SLC31A1: variants seen among roughly 807,000 people sequenced by gnomAD.
SLC31A1 encodes solute carrier family 31 member 1, also known as high affinity copper uptake protein 1.
In SLC31A1, 5 loss-of-function variants were observed where a neutral mutation model predicts 17.2. The observed-to-expected ratio is 0.29, with a 90% CI of 0.15 to 0.61. The LOEUF is 0.61. Ranked by LOEUF, SLC31A1 falls within the 20% of genes least tolerant of loss-of-function variation. SLC31A1 has a pLI of 0.86. For missense variants in SLC31A1, 161 were observed against 241.4 expected, an observed-to-expected ratio of 0.67 and a Z score of 2.21; for synonymous variants, 76 against 78.8, an observed-to-expected ratio of 0.96 and a Z score of 0.19.
intron 1 of SLC31A1, 115 bp downstream of exon 1, chr9:113,221,793 T>C (rs1372340945): frequency 1.6e-5 from 3 of 186,080 alleles, no homozygotes; most frequent in South Asian, 8.2e-5. Flanking sequence ...GAGAAAGAGC[T>C]CGGGACTGGA....
intron 1 of SLC31A1, among the ~76,000 whole-genome samples, chr9:113,232,279 C>T (rs565079687): frequency 3.9e-5 from 6 of 152,214 alleles, no homozygotes; most frequent in Admixed American, 1.3e-4. Context: ...TTCAAGATGG[C>T]GTTTTGAACT....
chr9:113,242,936 TCA>T (rs1831537208), intron 1 of SLC31A1, among the ~76,000 whole-genome samples: 1 of 152,212 alleles, frequency 6.6e-6, no homozygotes, highest in Non-Finnish European at 1.5e-5. Flanking sequence ...CTCATATTTT[TCA>T]CAAAACACAT....
At chr9:113,251,572 A>G (rs1015718801) in intron 1 of SLC31A1, among the ~76,000 whole-genome samples, 4 of 152,342 alleles carry the variant, frequency 2.6e-5, no homozygotes, top group African/African-American at 9.6e-5. Context: ...AAAAGAACCA[A>G]TGCTAGTTTA....
Position 113,256,272 on chromosome 9 carries a change from A to T in SLC31A1, c.124A>T (p.Met42Leu), listed in dbSNP as rs1831727642. Residue 42 changes from methionine to leucine, a missense_variant, in exon 2 of 5, where the codon ATG becomes TTG. Met to Leu is a conservative substitution (Grantham distance 15). Transcript: ENST00000374212. ...SHGGGDSSMMMMPMTFYFGFK... is the reference protein window; with the variant it reads ...SHGGGDSSMMLMPMTFYFGFK... The stretch of plus-strand genomic sequence containing the variant: ...TGGTGGAGGAGACAGCAGCATGATG[A>T]TGATGGTGAGTGCCATAGGAGGGGC... 6.2e-7 allele frequency: 1 copy of T among 1,613,900 alleles called. No individual in the cohort carries two copies. Among genetic ancestry groups the T allele is most frequent in the Non-Finnish European group, 8.5e-7 (1 of 1,179,970 alleles).
At chr9:113,241,255 A>G (rs1006149267) in intron 1 of SLC31A1, among the ~76,000 whole-genome samples, 1 of 152,172 alleles carries the variant, frequency 6.6e-6, no homozygotes, top group Admixed American at 6.5e-5. Flanking sequence ...GCAGGCAGAA[A>G]TTAGTTTTTC....
At position 113,260,644 on chromosome 9, in the gene SLC31A1, C is replaced by G. The variant is rs1831782911; in HGVS notation, c.*171C>G. 2 of 681,708 alleles carry G rather than the reference C, an allele frequency of 2.9e-6. No individual in the cohort carries two copies. Among genetic ancestry groups the G allele is most frequent in the East Asian group, 2.8e-5 (1 of 36,140 alleles). The allele number at this position is 681,708 out of a possible 1,614,324, so 42.2% of individuals were successfully genotyped here. A position where few individuals can be genotyped will look rare whatever the true frequency, so the allele number is the denominator to read the frequency against. ...TCAACAGAGGTTTAGTTTACAGTCTCTGAACTAAAGTAGTAACCTCCCAAA... is the reference window on the plus strand; with the variant it reads ...TCAACAGAGGTTTAGTTTACAGTCTGTGAACTAAAGTAGTAACCTCCCAAA... On this transcript the variant is annotated 3_prime_UTR_variant, in exon 5 of 5. Coordinates refer to ENST00000374212, the MANE Select transcript of SLC31A1 (RefSeq NM_001859.4).
chr9:113,241,326 A>G (rs1226016367), intron 1 of SLC31A1, among the ~76,000 whole-genome samples: 3 of 152,204 alleles, frequency 2.0e-5, no homozygotes, highest in Admixed American at 1.3e-4. Flanking sequence ...TATCTGCAGT[A>G]CAAATACTGG....
At chr9:113,223,317 TG>T in intron 1 of SLC31A1, 1 of 378,284 alleles carries the variant, frequency 2.6e-6, no homozygotes, top group South Asian at 1.9e-5. Flanking sequence ...ACTGCAGGAC[TG>T]GGTGCACCTA....
At chr9:113,226,855 T>A (rs537358151) in intron 1 of SLC31A1, among the ~76,000 whole-genome samples, 1 of 152,344 alleles carries the variant, frequency 6.6e-6, no homozygotes, top group South Asian at 2.1e-4. Context: ...GCATCTAGAA[T>A]GTAGTCATTT....
intron 1 of SLC31A1, among the ~76,000 whole-genome samples, chr9:113,248,704 C>T (rs910644474): frequency 3.6e-4 from 55 of 151,944 alleles, no homozygotes; most frequent in African/African-American, 1.3e-3. Context: ...GTCTCAAACT[C>T]CTGACCTCAA....
intron 1 of SLC31A1, among the ~76,000 whole-genome samples, chr9:113,232,651 G>A (rs1166752833): frequency 6.7e-6 from 1 of 149,274 alleles, no homozygotes; most frequent in Non-Finnish European, 1.5e-5. Flanking sequence ...GGCCAACATG[G>A]TGAAACCCCA....
At chr9:113,222,325 C>T (rs1368906167) in intron 1 of SLC31A1, among the ~76,000 whole-genome samples, 3 of 152,184 alleles carry the variant, frequency 2.0e-5, no homozygotes, top group Non-Finnish European at 4.4e-5. Flanking sequence ...CCCACCCCAA[C>T]TTTGGCGTGG....
chr9:113,244,254 G>T (rs1258601257), intron 1 of SLC31A1, among the ~76,000 whole-genome samples: 3 of 147,148 alleles, frequency 2.0e-5, no homozygotes, highest in African/African-American at 7.6e-5. Flanking sequence ...TTTCTTGTTT[G>T]CCTAGATCAT....
rs1831781864 is a variant in SLC31A1 at position 113,260,582 on chromosome 9, C to T, written c.*109C>T. 3.7e-6 allele frequency: 1 copy of T among 269,744 alleles called. No individual in the cohort carries two copies. Among genetic ancestry groups the T allele is most frequent in the Non-Finnish European group, 7.9e-6 (1 of 126,778 alleles). The allele number at this position is 269,744 out of a possible 1,614,324, so 16.7% of individuals were successfully genotyped here. On this transcript the variant is annotated 3_prime_UTR_variant, in exon 5 of 5. Coordinates refer to ENST00000374212, the MANE Select transcript of SLC31A1 (RefSeq NM_001859.4). Reference sequence around the variant, plus strand: ...CTTCTTGCTCCTCTTTGTGCACGTACACACACACACACACACACACACACA... The same window carrying T: ...CTTCTTGCTCCTCTTTGTGCACGTATACACACACACACACACACACACACA...
At chr9:113,239,068 G>A (rs923621646) in intron 1 of SLC31A1, among the ~76,000 whole-genome samples, 6 of 152,132 alleles carry the variant, frequency 3.9e-5, no homozygotes, top group Non-Finnish European at 5.9e-5. Context: ...ATCTCTATGC[G>A]TAGGACCTGT....
At chr9:113,250,739 G>C (rs536679454) in intron 1 of SLC31A1, among the ~76,000 whole-genome samples, 2 of 150,830 alleles carry the variant, frequency 1.3e-5, no homozygotes, top group African/African-American at 2.4e-5. Context: ...TTGTATTTCA[G>C]TTCTGTCCCT....
In SLC31A1 at chr9:113,260,584, C is replaced by G; in HGVS notation, c.*111C>G. On this transcript the variant is annotated 3_prime_UTR_variant, in exon 5 of 5. Transcript: ENST00000374212. ...TCTTGCTCCTCTTTGTGCACGTACACACACACACACACACACACACACACA... is the reference window on the plus strand; with the variant it reads ...TCTTGCTCCTCTTTGTGCACGTACAGACACACACACACACACACACACACA... The G allele has an allele frequency of 2.1e-6, 1 of 467,284 alleles. No homozygotes were observed. Among genetic ancestry groups the G allele is most frequent in the Admixed American group, 2.7e-5 (1 of 36,878 alleles). The allele number at this position is 467,284 out of a possible 1,614,324, so 28.9% of individuals were successfully genotyped here. A position where few individuals can be genotyped will look rare whatever the true frequency, so the allele number is the denominator to read the frequency against.
rs1414260815 is a variant in SLC31A1 at position 113,263,511 on chromosome 9, A to G, written c.*3038A>G. On this transcript the variant is annotated 3_prime_UTR_variant, in exon 5 of 5. Coordinates refer to ENST00000374212, the MANE Select transcript of SLC31A1 (RefSeq NM_001859.4). ...ACATCTATTAGAAGACTGCATCACC[A>G]TTTCTTTGGCCCCCTTACTCTGTTG... 1 of 152,326 alleles carries G rather than the reference A, an allele frequency of 6.6e-6. No individual in the cohort carries two copies. The highest frequency in any genetic ancestry group is 1.9e-4 in the East Asian group (1 of 5,188). The allele number at this position is 152,326 out of a possible 1,614,324, so 9.4% of individuals were successfully genotyped here. A position where few individuals can be genotyped will look rare whatever the true frequency, so the allele number is the denominator to read the frequency against.
chr9:113,228,249 A>T (rs1831364149), intron 1 of SLC31A1, among the ~76,000 whole-genome samples: 1 of 152,220 alleles, frequency 6.6e-6, no homozygotes, highest in Non-Finnish European at 1.5e-5. Context: ...CATAAATCAT[A>T]CTAAAGCACA....
Sources: gnomAD v4.1 joint callset for allele counts (sites outside exome capture counted in the v4.1 genomes callset) on GRCh38, gnomAD v4.1.1 for gene constraint, MANE v1.5 for transcripts, NCBI Gene and HGNC (gene_info 2026-07-23, HGNC 2026-07-21) for gene names.